The following MAST2 variants were observed in gnomAD, a reference collection of about 807,000 sequenced individuals.
The protein encoded by MAST2 is microtubule-associated serine/threonine-protein kinase 2.
In MAST2, 70 loss-of-function variants were observed where a neutral mutation model predicts 147.4. The observed-to-expected ratio is 0.47, with a 90% CI of 0.39 to 0.58. The LOEUF (loss-of-function observed/expected upper bound fraction) is 0.58. MAST2 is among the 20% of genes least tolerant of loss of function. MAST2 has a pLI of 0.00. For synonymous variants in MAST2, 869 were observed against 896.8 expected (o/e 0.97, Z 0.55); for missense variants, 2,080 against 2,302.3 (o/e 0.90, Z 1.98).
chr1:46,022,740 C>A (rs1339295635), intron 12 of MAST2, among the ~76,000 whole-genome samples, 170 bp from the exon 13 acceptor site: 1 of 152,156 alleles, frequency 6.6e-6, no homozygotes, highest in East Asian at 1.9e-4. Context: ...GTTTCCTGAT[C>A]CAAAAGCTGG....
At chr1:45,899,255 C>G (rs1306201847) in intron 4 of MAST2, among the ~76,000 whole-genome samples, 1 of 147,428 alleles carries the variant, frequency 6.8e-6, no homozygotes, top group Non-Finnish European at 1.5e-5. Flanking sequence ...GAGATTTGCT[C>G]TGCTGAAGCA....
intron 1 of MAST2, among the ~76,000 whole-genome samples, chr1:45,806,578 C>A (rs557777303): frequency 9.5e-4 from 144 of 151,884 alleles, no homozygotes; most frequent in Non-Finnish European, 1.7e-3. Flanking sequence ...TTTTTAATTT[C>A]TTTTTCTTTT....
chr1:45,833,850 C>G (rs1645029076), intron 3 of MAST2, among the ~76,000 whole-genome samples: 1 of 149,264 alleles, frequency 6.7e-6, no homozygotes, highest in African/African-American at 2.4e-5. Flanking sequence ...CAGGGAACTG[C>G]TTTTTGTTTT....
At chr1:45,882,993 C>T (rs963466738) in intron 4 of MAST2, among the ~76,000 whole-genome samples, 1 of 152,064 alleles carries the variant, frequency 6.6e-6, no homozygotes, top group Admixed American at 6.6e-5. Flanking sequence ...GAAATTTGGC[C>T]AATCAGAATC....
intron 2 of MAST2, among the ~76,000 whole-genome samples, chr1:45,828,368 G>A (rs1200358162): frequency 6.6e-6 from 1 of 152,164 alleles, no homozygotes; most frequent in African/African-American, 2.4e-5. Context: ...AGGGGAAAGT[G>A]CAGGGCATAA....
chr1:46,020,978 G>A (rs1646157842), intron 11 of MAST2, among the ~76,000 whole-genome samples: 1 of 152,198 alleles, frequency 6.6e-6, no homozygotes, highest in Non-Finnish European at 1.5e-5. Context: ...GGATGAGCCA[G>A]GGACATCAGG....
chr1:46,034,047 T>A (rs1557522027), intron 27 of MAST2, 26 bp from the exon 28 acceptor site: 1 of 1,609,360 alleles, frequency 6.2e-7, no homozygotes, highest in Admixed American at 1.7e-5. Flanking sequence ...CTGCACCGAC[T>A]CAGCCTTTGA....
At chr1:45,841,358 C>T (rs1308423739) in intron 3 of MAST2, among the ~76,000 whole-genome samples, 2 of 151,460 alleles carry the variant, frequency 1.3e-5, no homozygotes, top group Non-Finnish European at 2.9e-5. Context: ...CTTTTTATGC[C>T]TCGGTACTTC....
rs1645698999 is a variant in MAST2, at chr1:46,011,158, C to G, written c.1188+219C>G. The stretch of plus-strand genomic sequence containing the variant: ...AAAGGAAGTCACTTCTGTTCCTTTT[C>G]TAAATCCAAAATTATATTACTTTGT... On this transcript the variant is annotated intron_variant, in intron 10 of 28. Transcript: ENST00000361297. 7 of 574,552 alleles carry G rather than the reference C, an allele frequency of 1.2e-5. No homozygotes were observed. In the South Asian group the frequency reaches 1.5e-4, roughly 12 times the overall value. 35.6% of individuals were successfully genotyped at this position (574,552 alleles called of 1,614,324 possible).
chr1:45,829,305 A>G (rs945512381), intron 2 of MAST2, 134 bp from the exon 3 acceptor site: 1 of 743,642 alleles, frequency 1.3e-6, no homozygotes, highest in Non-Finnish European at 2.0e-6. Flanking sequence ...ATTTTAATAG[A>G]TTCTAAAATG....
At chr1:45,868,319 G>A (rs1005194729) in intron 3 of MAST2, among the ~76,000 whole-genome samples, 1 of 152,120 alleles carries the variant, frequency 6.6e-6, no homozygotes, top group African/African-American at 2.4e-5. Context: ...ACTTTGAAAG[G>A]TCAGGGACTA....
chr1:45,804,377 A>G (rs1557786286), intron 1 of MAST2, among the ~76,000 whole-genome samples: 1 of 152,080 alleles, frequency 6.6e-6, no homozygotes, highest in Non-Finnish European at 1.5e-5. Flanking sequence ...GAGTAGGCTT[A>G]CTAAAGAGGC....
chr1:45,958,260 A>C (rs550384167), intron 4 of MAST2, among the ~76,000 whole-genome samples: 2 of 152,092 alleles, frequency 1.3e-5, no homozygotes, highest in South Asian at 4.2e-4. Flanking sequence ...GGCCTTCCCC[A>C]TAGCTTCTAT....
intron 3 of MAST2, among the ~76,000 whole-genome samples, chr1:45,852,751 AT>A (rs1468726794): frequency 6.6e-6 from 1 of 151,766 alleles, no homozygotes; most frequent in Non-Finnish European, 1.5e-5. Context: ...TGTTTTTGAG[AT>A]CCGTCTAAAT....
In MAST2 at chr1:46,031,870, G is replaced by A. The variant is rs1646684032; in HGVS notation, c.3187+285G>A. On this transcript the variant is annotated intron_variant, in intron 24 of 28. Transcript: ENST00000361297. The surrounding 1 kb of genome is among the most constrained non-coding windows in gnomAD (Gnocchi z 4.1). The stretch of plus-strand genomic sequence containing the variant: ...TGAGCAAGTTGCTTAACTTCTCTAA[G>A]CCTCAAGTTTCTTATCCAAAAATGT... Among the ~76,000 whole-genome samples, 1 of 152,184 alleles carries A rather than the reference G, an allele frequency of 6.6e-6. No homozygotes were observed. Among genetic ancestry groups the A allele is most frequent in the Admixed American group, 6.5e-5 (1 of 15,270 alleles).
At chr1:45,954,403 C>G (rs992519044) in intron 4 of MAST2, among the ~76,000 whole-genome samples, 2 of 152,146 alleles carry the variant, frequency 1.3e-5, no homozygotes, top group Non-Finnish European at 2.9e-5. Flanking sequence ...TGCCTTAGCC[C>G]TTGTTCTTGC....
chr1:45,818,796 C>T (rs977563413), intron 1 of MAST2, among the ~76,000 whole-genome samples: 6 of 152,176 alleles, frequency 3.9e-5, no homozygotes, highest in African/African-American at 1.4e-4. Context: ...GTCTCCTTTG[C>T]TTTACGACCC....
chr1:45,845,102 G>A (rs1645389431), intron 3 of MAST2, among the ~76,000 whole-genome samples: 1 of 152,130 alleles, frequency 6.6e-6, no homozygotes. Flanking sequence ...TCCAGCACAT[G>A]GATTTTGGGG....
At chr1:45,804,881 T>G (rs1373279030) in intron 1 of MAST2, among the ~76,000 whole-genome samples, 1 of 152,214 alleles carries the variant, frequency 6.6e-6, no homozygotes, top group Non-Finnish European at 1.5e-5. Flanking sequence ...TAAGTAATCC[T>G]TGGTCTTGTT....
Sources: gnomAD v4.1 joint callset for allele counts (sites outside exome capture counted in the v4.1 genomes callset) on GRCh38, gnomAD v4.1.1 for gene constraint, Gnocchi (gnomAD v3.1) non-coding constraint, MANE v1.5 for transcripts, NCBI Gene and HGNC (gene_info 2026-07-23, HGNC 2026-07-21) for gene names.